The following MCL1 variants were observed in gnomAD, a reference collection of about 807,000 sequenced individuals.
The protein encoded by MCL1 is MCL1 apoptosis regulator, BCL2 family member, also known as induced myeloid leukemia cell differentiation protein Mcl-1.
In MCL1, 4 loss-of-function variants were observed where a neutral mutation model predicts 24.2. That is an observed-to-expected ratio of 0.17 (90% CI 0.08 to 0.38). The LOEUF (loss-of-function observed/expected upper bound fraction) is 0.38, where lower values mean the gene tolerates loss of function less well. Ranked by LOEUF, MCL1 falls within the 10% of genes least tolerant of loss-of-function variation. The pLI, the probability that MCL1 is intolerant of heterozygous loss-of-function variation, is 1.00. For synonymous variants in MCL1, 248 were observed against 214.0 expected (o/e 1.16, Z -1.39); for missense variants, 529 against 480.3 (o/e 1.10, Z -0.95).
At chr1:150,578,727 G>T (rs973903067) in intron 1 of MCL1, 116 bp downstream of exon 1, 34 of 1,176,834 alleles carry the variant, frequency 2.9e-5, no homozygotes, top group Non-Finnish European at 3.7e-5. Flanking sequence ...TCAGGAATAG[G>T]ATGAGACACG....
At position 150,578,251 on chromosome 1, in the gene MCL1, C is replaced by T. The variant is rs1223742436; in HGVS notation, c.929G>A (p.Arg310Lys). ...RTKRDWLVKQ[R>K]GWDGFVEFFH... ...TCCTTAAGGCAAACTTACCCAGCCT[C>T]TTTGTTTAACTAGCCAGTCCCGTTT... The change falls in exon 2 of 3, where the codon AGA becomes AAA. Residue 310 changes from arginine to lysine, a missense_variant. Arg to Lys is a conservative substitution (Grantham distance 26). Transcript: ENST00000369026. 3.1e-6 allele frequency: 5 copies of T among 1,613,410 alleles called. No homozygotes were observed. The highest frequency in any genetic ancestry group is 1.1e-5 in the South Asian group (1 of 90,914).
chr1:150,578,813 G>C (rs374304810), intron 1 of MCL1, 30 bp downstream of exon 1: 1 of 1,587,752 alleles, frequency 6.3e-7, no homozygotes, highest in Non-Finnish European at 8.6e-7. Context: ...AAAAGGGAGT[G>C]AGGCCTTGGC....
chr1:150,578,668 A>G (rs913873367), intron 1 of MCL1, 175 bp downstream of exon 1: 1 of 1,027,848 alleles, frequency 9.7e-7, no homozygotes, highest in Non-Finnish European at 1.4e-6. Context: ...CATTTCCAAA[A>G]GAATCAAGAT....
Position 150,579,260 on chromosome 1 carries a change from C to T in MCL1, c.271G>A (p.Ala91Thr), listed in dbSNP as rs2101699721. Residue 91 changes from alanine (A) to threonine (T), a missense_variant, in exon 1 of 3, where the codon GCG becomes ACG. Transcript: ENST00000369026. The stretch of plus-strand genomic sequence containing the variant: ...AAGAAAAGCAGCCTCGCGGGGGTCG[C>T]GGTGACGTCGGGGACCTCGGCGCCA... ...PIGAEVPDVT[A>T]TPARLLFFAP... 1.3e-6 allele frequency: 2 copies of T among 1,503,774 alleles called. No homozygotes were observed. Among genetic ancestry groups the T allele is most frequent in the Non-Finnish European group, 1.8e-6 (2 of 1,131,846 alleles). 93.2% of individuals were successfully genotyped at this position (1,503,774 alleles called of 1,614,324 possible).
chr1:150,579,317 C>A lies in MCL1; in HGVS notation c.214G>T (p.Asp72Tyr), dbSNP rs9971. 4 of 1,480,890 alleles carry A rather than the reference C, an allele frequency of 2.7e-6. No individual in the cohort carries two copies. The highest frequency in any genetic ancestry group is 3.6e-6 in the Non-Finnish European group (4 of 1,122,700). The allele number at this position is 1,480,890 out of a possible 1,614,324, so 91.7% of individuals were successfully genotyped here. ...GASPPSTLTP[D>Y]SRRVARPPPI... ...GGCGGCCGCGCGACCCTCCGGGAGT[C>A]TGGCGTGAGGGTGGACGGGGGGCTT... is the stretch of plus-strand genomic sequence containing the variant. Residue 72 changes from aspartate (D) to tyrosine (Y), a missense_variant, in exon 1 of 3, where the codon GAC becomes TAC. Coordinates refer to ENST00000369026, the MANE Select transcript of MCL1 (RefSeq NM_021960.5).
Position 150,579,251 on chromosome 1 carries a change from C to T in MCL1, c.280G>A (p.Ala94Thr). 1.3e-6 allele frequency: 2 copies of T among 1,515,992 alleles called. No individual in the cohort carries two copies. Among genetic ancestry groups the T allele is most frequent in the South Asian group, 2.6e-5 (2 of 77,670 alleles). The allele number at this position is 1,515,992 out of a possible 1,614,324, so 93.9% of individuals were successfully genotyped here. The change falls in exon 1 of 3, where the codon GCG becomes ACG. Residue 94 changes from alanine (A) to threonine (T), a missense_variant. Transcript: ENST00000369026. ...AEVPDVTATP[A>T]RLLFFAPTRR... The stretch of plus-strand genomic sequence containing the variant: ...GTGGGCGCGAAGAAAAGCAGCCTCG[C>T]GGGGGTCGCGGTGACGTCGGGGACC...
chr1:150,578,172 C>G, intron 2 of MCL1, 72 bp downstream of exon 2: 1 of 1,527,076 alleles, frequency 6.5e-7, no homozygotes, highest in Non-Finnish European at 8.9e-7. Context: ...TTTAGATATC[C>G]CCACCTCTCT....
At chr1:150,577,602 A>AAT in intron 2 of MCL1, 111 bp from the exon 3 acceptor site, 2 of 1,171,356 alleles carry the variant, frequency 1.7e-6, no homozygotes, top group Non-Finnish European at 2.3e-6. Flanking sequence ...CCCCTAAAGC[A>AAT]ATAGTAAACC....
chr1:150,577,318 C>A lies in MCL1; in HGVS notation c.*57G>T. The A allele has an allele frequency of 1.3e-6, 2 of 1,591,924 alleles. No individual in the cohort carries two copies. Among genetic ancestry groups the A allele is most frequent in the Non-Finnish European group, 8.5e-7 (1 of 1,170,444 alleles). ...ACAGCTTGGAGTCCAACTGCATAAA[C>A]TGGTTTTGGTGGTGGTGGTGGTTGG... is the stretch of plus-strand genomic sequence containing the variant. On this transcript the variant is annotated 3_prime_UTR_variant, in exon 3 of 3. Transcript: ENST00000369026.
In MCL1 at chr1:150,579,212, G is replaced by C; in HGVS notation, c.319C>G (p.Pro107Ala). The part of the protein sequence containing the change: ...LFFAPTRRAA[P>A]LEEMEAPAAD... ...GCCGGGGCTTCCATCTCCTCAAGCG[G>C]CGCCGCGCGGCGGGTGGGCGCGAAG... Residue 107 changes from proline (P) to alanine (A), a missense_variant, in exon 1 of 3, where the codon CCG (proline) becomes GCG (alanine). By Grantham distance (27) the Pro-to-Ala change is conservative (BLOSUM62 -1). Transcript: ENST00000369026. The C allele has an allele frequency of 1.9e-6, 3 of 1,575,746 alleles. No homozygotes were observed. The highest frequency in any genetic ancestry group is 1.1e-5 in the South Asian group (1 of 88,104).
Position 150,575,996 on chromosome 1 carries a change from A to G in MCL1, c.*1379T>C. On this transcript the variant is annotated 3_prime_UTR_variant, in exon 3 of 3. Transcript: ENST00000369026. Reference sequence around the variant, plus strand: ...AACAGTAAGTATTTGCTTTATTGACATACTAGGCTTAGACCTGTGTGTGTA... The same window carrying G: ...AACAGTAAGTATTTGCTTTATTGACGTACTAGGCTTAGACCTGTGTGTGTA... The G allele has an allele frequency of 8.6e-6, 2 of 233,734 alleles. No homozygotes were observed. 14.5% of individuals were successfully genotyped at this position (233,734 alleles called of 1,614,324 possible).
chr1:150,579,268 T>C lies in MCL1; in HGVS notation c.263A>G (p.Asp88Gly). ...RPPPIGAEVP[D>G]VTATPARLLF... ...CAGCCTCGCGGGGGTCGCGGTGACG[T>C]CGGGGACCTCGGCGCCAATGGGCGG... The change falls in exon 1 of 3, where the codon GAC becomes GGC. Residue 88 changes from aspartate to glycine, a missense_variant. Physicochemically the swap from Asp to Gly is moderately conservative, Grantham distance 94. Coordinates refer to ENST00000369026, the MANE Select transcript of MCL1 (RefSeq NM_021960.5). 6.7e-7 allele frequency: 1 copy of C among 1,490,398 alleles called. No homozygotes were observed. The highest frequency in any genetic ancestry group is 8.9e-7 in the Non-Finnish European group (1 of 1,125,946). 92.3% of individuals were successfully genotyped at this position (1,490,398 alleles called of 1,614,324 possible). A position where few individuals can be genotyped will look rare whatever the true frequency, so the allele number is the denominator to read the frequency against.
intron 2 of MCL1, among the ~76,000 whole-genome samples, chr1:150,577,843 A>G (rs1647878863): frequency 6.6e-6 from 1 of 152,116 alleles, no homozygotes; most frequent in Non-Finnish European, 1.5e-5. Context: ...GTTTTTCTCA[A>G]CGTAGTTAAG....
In MCL1 at chr1:150,578,442, C is replaced by A; in HGVS notation, c.738G>T (p.Leu246Phe). Residue 246 changes from leucine to phenylalanine, a missense_variant, in exon 2 of 3, where the codon TTG becomes TTT. Physicochemically the swap from Leu to Phe is conservative, Grantham distance 22 (BLOSUM62 0). Transcript: ENST00000369026. ...DIKNEDDVKS[L>F]SRVMIHVFSD... ...TGAAAACATGGATCATCACTCGAGACAACGATTTCACATCGTCTTCGTTTT... is the reference window on the plus strand; with the variant it reads ...TGAAAACATGGATCATCACTCGAGAAAACGATTTCACATCGTCTTCGTTTT... The A allele has an allele frequency of 6.2e-7, 1 of 1,614,204 alleles. No individual in the cohort carries two copies. The highest frequency in any genetic ancestry group is 1.1e-5 in the South Asian group (1 of 91,084).
chr1:150,575,308 C>T lies in MCL1; in HGVS notation c.*2067G>A. The T allele has an allele frequency of 4.3e-6, 1 of 233,266 alleles. No homozygotes were observed. Among genetic ancestry groups the T allele is most frequent in the Non-Finnish European group, 8.5e-6 (1 of 117,856 alleles). The allele number at this position is 233,266 out of a possible 1,614,324, so 14.4% of individuals were successfully genotyped here. ...TACATTCTTAGTCATCTTATTCATA[C>T]CTATTTTTAAATGGAGTCCACAGAC... On this transcript the variant is annotated 3_prime_UTR_variant, in exon 3 of 3. Coordinates refer to ENST00000369026, the MANE Select transcript of MCL1 (RefSeq NM_021960.5).
chr1:150,578,171 C>T (rs1647894846), intron 2 of MCL1, 73 bp downstream of exon 2: 1 of 1,522,578 alleles, frequency 6.6e-7, no homozygotes, highest in East Asian at 2.3e-5. Flanking sequence ...CTTTAGATAT[C>T]CCCACCTCTC....
At position 150,574,799 on chromosome 1, in the gene MCL1, C is replaced by T. The variant is rs1404215278; in HGVS notation, c.*2576G>A. ...ACAAACAGAAGTCAAAAAGTAGTCA[C>T]TGGGAGCGCCATCCTTCTAAGCAAA... On this transcript the variant is annotated 3_prime_UTR_variant, in exon 3 of 3. Coordinates refer to ENST00000369026, the MANE Select transcript of MCL1 (RefSeq NM_021960.5). 2 of 233,276 alleles carry T rather than the reference C, an allele frequency of 8.6e-6. No individual in the cohort carries two copies. The highest frequency in any genetic ancestry group is 1.7e-5 in the Non-Finnish European group (2 of 117,892). 14.5% of individuals were successfully genotyped at this position (233,276 alleles called of 1,614,324 possible). A position where few individuals can be genotyped will look rare whatever the true frequency, so the allele number is the denominator to read the frequency against.
intron 2 of MCL1, 114 bp downstream of exon 2, chr1:150,578,130 G>C: frequency 8.7e-7 from 1 of 1,143,892 alleles, no homozygotes; most frequent in South Asian, 1.5e-5. Context: ...CCTTTAGTTA[G>C]AGCCTGCAAA....
Position 150,575,257 on chromosome 1 carries a change from G to A in MCL1, c.*2118C>T, listed in dbSNP as rs1647743763. 2.1e-5 allele frequency: 5 copies of A among 233,346 alleles called. No individual in the cohort carries two copies. The East Asian group carries it at 3.0e-4, about 14-fold the overall frequency. 14.5% of individuals were successfully genotyped at this position (233,346 alleles called of 1,614,324 possible). A position where few individuals can be genotyped will look rare whatever the true frequency, so the allele number is the denominator to read the frequency against. On this transcript the variant is annotated 3_prime_UTR_variant, in exon 3 of 3. Coordinates refer to ENST00000369026, the MANE Select transcript of MCL1 (RefSeq NM_021960.5). Reference sequence around the variant, plus strand: ...AAAGATGACCTTATGGCTCTGAGATGGGCAGGCAGGGCAGTTCTTCCCCAT... The same window carrying A: ...AAAGATGACCTTATGGCTCTGAGATAGGCAGGCAGGGCAGTTCTTCCCCAT...
Sources: gnomAD v4.1 joint callset for allele counts (sites outside exome capture counted in the v4.1 genomes callset) on GRCh38, gnomAD v4.1.1 for gene constraint, MANE v1.5 for transcripts, NCBI Gene and HGNC (gene_info 2026-07-23, HGNC 2026-07-21) for gene names.